The following DNAH14 variants were observed in gnomAD, a reference collection of about 807,000 sequenced individuals.
DNAH14 encodes the protein axonemal beta dynein heavy chain 14.
A neutral mutation model predicts 520.9 loss-of-function variants in DNAH14; 478 were observed. The observed-to-expected ratio is 0.92, with a 90% confidence interval of 0.85 to 0.99. The LOEUF (loss-of-function observed/expected upper bound fraction) is 0.99, where lower values mean the gene tolerates loss of function less well. Among genes scored for constraint, DNAH14 ranks in the 50% least tolerant of loss-of-function variants. DNAH14 has a pLI of 0.00. For missense variants in DNAH14, 4,831 were observed against 5,234.5 expected (o/e 0.92, Z 2.38); for synonymous variants, 1,581 against 1,757.2 (o/e 0.90, Z 2.51).
chr1:225,261,250 A>G (rs1302292093), intron 46 of DNAH14, among the ~76,000 whole-genome samples: 1 of 152,180 alleles, frequency 6.6e-6, no homozygotes, highest in Non-Finnish European at 1.5e-5. Flanking sequence ...GCTTTTGACC[A>G]CTGAGTATGA....
Position 225,248,006 on chromosome 1 carries a change from A to G in DNAH14, c.6749-4295A>G, listed in dbSNP as rs563411499. ...TGCACTCCAGCCTGGGTGACAGAGC[A>G]AGACTCTGTCTCAAATAATAATAAT... On this transcript the variant is annotated intron_variant, in intron 43 of 85. Coordinates refer to ENST00000682510, the MANE Select transcript of DNAH14 (RefSeq NM_001367479.1). Among the ~76,000 whole-genome samples the G allele has an allele frequency of 2.6e-5, 4 of 152,300 alleles. No individual in the cohort carries two copies. The South Asian group carries it at 8.3e-4, about 32-fold the overall frequency.
chr1:225,383,824 T>C (rs1464340257), intron 81 of DNAH14, among the ~76,000 whole-genome samples: 3 of 152,254 alleles, frequency 2.0e-5, no homozygotes, highest in Non-Finnish European at 2.9e-5. Flanking sequence ...CTTTTAATTG[T>C]AATATTACAG....
intron 60 of DNAH14, among the ~76,000 whole-genome samples, chr1:225,309,261 T>A (rs549829190): frequency 1.3e-5 from 2 of 152,302 alleles, no homozygotes; most frequent in African/African-American, 4.8e-5. Context: ...AAAAGAAGTG[T>A]CAGCCTGCCT....
chr1:225,109,594 T>G lies in DNAH14; in HGVS notation c.3868-8090T>G, dbSNP rs1201593637. Among the ~76,000 whole-genome samples the G allele has an allele frequency of 1.3e-5, 2 of 152,268 alleles. 1 individual carries two copies. ...AACTTTACTTGTTTATCAGTTCTAA[T>G]AGTTTTTTGGTGGAGTCTTTAGGTT... On this transcript the variant is annotated intron_variant, in intron 23 of 85. Transcript: ENST00000682510.
chr1:225,196,860 G>A (rs1329426822), intron 38 of DNAH14, among the ~76,000 whole-genome samples: 3 of 95,320 alleles, frequency 3.1e-5, no homozygotes, highest in African/African-American at 4.4e-5. Flanking sequence ...GATGGGATTG[G>A]TTGTTTTTTT....
chr1:225,047,071 A>G (rs2068032161), intron 15 of DNAH14, among the ~76,000 whole-genome samples: 1 of 152,218 alleles, frequency 6.6e-6, no homozygotes, highest in Non-Finnish European at 1.5e-5. Context: ...GCTCATTGCT[A>G]CAGGAGTGTC....
chr1:225,021,751 C>T (rs2065714526), intron 10 of DNAH14, among the ~76,000 whole-genome samples: 1 of 151,994 alleles, frequency 6.6e-6, no homozygotes, highest in Non-Finnish European at 1.5e-5. Context: ...GTCAAATTAC[C>T]AACATCATTT....
At chr1:225,345,903 A>C in intron 69 of DNAH14, 59 bp from the exon 70 acceptor site, 2 of 1,399,412 alleles carry the variant, frequency 1.4e-6, no homozygotes, top group African/African-American at 2.9e-5. Context: ...CAGAGTGAGG[A>C]AATAGCCATT....
intron 11 of DNAH14, among the ~76,000 whole-genome samples, chr1:225,035,059 T>TTG (rs1553397429): frequency 4.0e-5 from 6 of 151,538 alleles, no homozygotes; most frequent in Non-Finnish European, 5.9e-5. Context: ...AATGTTTTTT[T>TTG]TGTGTGTGTG....
intron 75 of DNAH14, 76 bp from the exon 76 acceptor site, chr1:225,364,716 T>G: frequency 5.5e-6 from 6 of 1,082,728 alleles, no homozygotes; most frequent in South Asian, 1.7e-5. Flanking sequence ...CTTCAAACAG[T>G]GAAATGCTAT....
intron 57 of DNAH14, among the ~76,000 whole-genome samples, chr1:225,304,090 A>G (rs899596890): frequency 6.6e-6 from 1 of 152,202 alleles, no homozygotes; most frequent in Non-Finnish European, 1.5e-5. Context: ...CATCAGGACT[A>G]GGTTATGTCT....
At chr1:225,107,142 C>A (rs2076127979) in intron 23 of DNAH14, among the ~76,000 whole-genome samples, 3 of 152,318 alleles carry the variant, frequency 2.0e-5, no homozygotes, top group Admixed American at 2.0e-4. Context: ...CGGAGGTCCA[C>A]TCCAGACCCT....
chr1:225,023,236 CTAAAA>C (rs1349373261), intron 10 of DNAH14, among the ~76,000 whole-genome samples: 3 of 151,808 alleles, frequency 2.0e-5, no homozygotes, highest in African/African-American at 7.3e-5. Context: ...CCCTCAGAAC[CTAAAA>C]TAAAAGTAGA....
chr1:225,379,299 A>G (rs1053344963), intron 79 of DNAH14, among the ~76,000 whole-genome samples: 10 of 152,138 alleles, frequency 6.6e-5, no homozygotes, highest in African/African-American at 2.2e-4. Flanking sequence ...AAAAGCTTTT[A>G]TAATACATAT....
chr1:225,308,283 A>C lies in DNAH14; in HGVS notation c.9115-2A>C. The C allele has an allele frequency of 6.5e-7, 1 of 1,535,098 alleles. No individual in the cohort carries two copies. The highest frequency in any genetic ancestry group is 8.7e-7 in the Non-Finnish European group (1 of 1,142,990). ...TCTAAGAACAATTATGTGCTTCATT[A>C]GGAAACAGAAACTCTAATGGAAAAA... is the stretch of plus-strand genomic sequence containing the variant. On this transcript the variant is annotated splice_acceptor_variant, in intron 59 of 85. Coordinates refer to ENST00000682510, the MANE Select transcript of DNAH14 (RefSeq NM_001367479.1). LOFTEE classifies it high-confidence loss of function.
Position 225,051,457 on chromosome 1 carries a change from A to C in DNAH14, c.2086A>C (p.Asn696His). ...TDPAYQNIIVNLLTIIGNSMG... is the reference protein window; with the variant it reads ...TDPAYQNIIVHLLTIIGNSMG... ...TCAACATTCTTCTTTACAGATTGTG[A>C]ATCTCCTGACTATTATTGGTAATTC... The change falls in exon 17 of 86, where the codon AAT becomes CAT. Residue 696 changes from asparagine to histidine, a missense_variant. By Grantham distance (68) the Asn-to-His change is moderately conservative. Transcript: ENST00000682510. 1 of 1,478,656 alleles carries C rather than the reference A, an allele frequency of 6.8e-7. No homozygotes were observed. Among genetic ancestry groups the C allele is most frequent in the South Asian group, 1.4e-5 (1 of 71,028 alleles). The allele number at this position is 1,478,656 out of a possible 1,614,324, so 91.6% of individuals were successfully genotyped here. A position where few individuals can be genotyped will look rare whatever the true frequency, so the allele number is the denominator to read the frequency against.
intron 1 of DNAH14, among the ~76,000 whole-genome samples, chr1:224,946,726 G>A (rs777489309): frequency 1.3e-5 from 2 of 151,880 alleles, no homozygotes; most frequent in Non-Finnish European, 2.9e-5. Flanking sequence ...CAGTTTTCAA[G>A]TTTTACTTCT....
intron 36 of DNAH14, among the ~76,000 whole-genome samples, chr1:225,180,452 A>G (rs978099162): frequency 2.0e-5 from 3 of 152,184 alleles, no homozygotes; most frequent in African/African-American, 7.2e-5. Context: ...GCACCTGGTG[A>G]GGGCCTCTGG....
rs2095283117 is a variant in DNAH14, at chr1:225,346,165, C to G, written c.10882C>G (p.Gln3628Glu). ...TCTCACACAAATCAACTACATGTAC[C>G]AGTTCTCCCTAGACTGGTTTCATCA... ...ADLTQINYMY[Q>E]FSLDWFHQVF... The change falls in exon 70 of 86, where the codon CAG becomes GAG. Residue 3628 changes from glutamine (Q) to glutamate (E), a missense_variant. Physicochemically the swap from Gln to Glu is conservative, Grantham distance 29. Transcript: ENST00000682510. The G allele has an allele frequency of 6.4e-7, 1 of 1,551,656 alleles. No homozygotes were observed. Among genetic ancestry groups the G allele is most frequent in the East Asian group, 2.4e-5 (1 of 40,928 alleles).
Sources: allele counts gnomAD v4.1 joint callset (sites outside exome capture counted in the v4.1 genomes callset), GRCh38; gene constraint gnomAD v4.1.1; transcripts MANE v1.5; gene names NCBI Gene and HGNC (gene_info 2026-07-23, HGNC 2026-07-21).